PLA2G15: variants seen among roughly 807,000 people sequenced by gnomAD.
PLA2G15 encodes lysosomal phospholipase A and acyltransferase.
A neutral mutation model predicts 40.9 loss-of-function variants in PLA2G15; 20 were observed. The ratio of observed to expected loss-of-function variants is 0.49; its 90% CI spans 0.34 to 0.71. The LOEUF (loss-of-function observed/expected upper bound fraction) is 0.71. PLA2G15 is among the 30% of genes least tolerant of loss of function. The pLI, the probability that PLA2G15 is intolerant of heterozygous loss-of-function variation, is 0.01. For missense variants in PLA2G15, 471 were observed against 541.9 expected (o/e 0.87, Z 1.30); for synonymous variants, 223 against 228.2 (o/e 0.98, Z 0.21).
rs993398973 is a variant in PLA2G15, at chr16:68,259,736, G to C, written c.*79G>C. 3 of 1,431,742 alleles carry C rather than the reference G, an allele frequency of 2.1e-6. No homozygotes were observed. Among genetic ancestry groups the C allele is most frequent in the Non-Finnish European group, 2.8e-6 (3 of 1,053,594 alleles). 88.7% of individuals were successfully genotyped at this position (1,431,742 alleles called of 1,614,324 possible). ...GGGGCTGTCATGGCCCACGCGTTTTGCAAAGTTTGTGACTCACCATTCAAG... is the reference window on the plus strand; with the variant it reads ...GGGGCTGTCATGGCCCACGCGTTTTCCAAAGTTTGTGACTCACCATTCAAG... On this transcript the variant is annotated 3_prime_UTR_variant, in exon 6 of 6. Transcript: ENST00000219345. This position sits in a 1 kb window ranked among gnomAD's most constrained non-coding sequence, Gnocchi z 6.5.
chr16:68,251,348 G>A (rs1488847980), intron 2 of PLA2G15, among the ~76,000 whole-genome samples: 4 of 152,144 alleles, frequency 2.6e-5, no homozygotes, highest in African/African-American at 7.2e-5. Context: ...CACAGTTGGC[G>A]CCTGATAAAT....
At chr16:68,248,770 C>A in intron 1 of PLA2G15, 1 of 971,254 alleles carries the variant, frequency 1.0e-6, no homozygotes, top group Non-Finnish European at 1.2e-6. Flanking sequence ...CCCCTCCTCC[C>A]AGGCAGAGCT....
rs148656703 is a variant in PLA2G15, at chr16:68,246,357, G to A, written c.127+804G>A. On this transcript the variant is annotated intron_variant, in intron 1 of 5. Transcript: ENST00000219345. The stretch of plus-strand genomic sequence containing the variant: ...GGGCCTTGGGTGCCTCATTGAGGCC[G>A]TCACTCCCATCCAGAGCTGGTGTGT... Among the ~76,000 whole-genome samples the A allele has an allele frequency of 1.8e-3, 277 of 152,290 alleles. 3 individuals are homozygous for A. Among genetic ancestry groups the A allele is most frequent in the African/African-American group, 6.3e-3 (260 of 41,566 alleles).
intron 2 of PLA2G15, chr16:68,253,578 T>C: frequency 6.0e-6 from 2 of 331,182 alleles, no homozygotes; most frequent in South Asian, 4.4e-5. Context: ...TTTCACCCTG[T>C]TGGCCAGGCT....
chr16:68,249,566 CGGTCTGGTCT>C lies in PLA2G15; in HGVS notation c.284+134_284+143del, dbSNP rs909762293. 10 of 935,188 alleles carry C rather than the reference CGGTCTGGTCT, an allele frequency of 1.1e-5. No homozygotes were observed. In the South Asian group the frequency reaches 1.4e-4, roughly 13 times the overall value. 57.9% of individuals were successfully genotyped at this position (935,188 alleles called of 1,614,324 possible). On this transcript the variant is annotated intron_variant, in intron 2 of 5. Coordinates refer to ENST00000219345, the MANE Select transcript of PLA2G15 (RefSeq NM_012320.4). ...TGACCTCTCTCCTTCCCCAGGTCCTCGGTCTGGTCTGGTCTGGTCTGGTTGGCACCACCTC... is the reference window on the plus strand; with the variant it reads ...TGACCTCTCTCCTTCCCCAGGTCCTCGGTCTGGTCTGGTTGGCACCACCTC...
chr16:68,251,940 G>A (rs971407433), intron 2 of PLA2G15, among the ~76,000 whole-genome samples: 1 of 151,748 alleles, frequency 6.6e-6, no homozygotes, highest in African/African-American at 2.4e-5. Context: ...TGTTTGTGAT[G>A]CCCATTTTGA....
chr16:68,253,380 T>C (rs1410504165), intron 2 of PLA2G15: 1 of 432,154 alleles, frequency 2.3e-6, no homozygotes, highest in Non-Finnish European at 4.6e-6. Context: ...TTTTGTTTGT[T>C]TGTTTGTTTT....
chr16:68,250,027 C>T (rs979795581), intron 2 of PLA2G15, among the ~76,000 whole-genome samples: 3 of 151,948 alleles, frequency 2.0e-5, no homozygotes, highest in South Asian at 2.1e-4. Flanking sequence ...TCGGCATGGC[C>T]CCCACCCCTT....
At position 68,259,813 on chromosome 16, in the gene PLA2G15, A is replaced by C; in HGVS notation, c.*156A>C. 1.5e-6 allele frequency: 1 copy of C among 661,528 alleles called. No individual in the cohort carries two copies. 41.0% of individuals were successfully genotyped at this position (661,528 alleles called of 1,614,324 possible). ...CTGCCATGGGGAAGTGCTGTTTGTT[A>C]TCCTTTCTCTGTGGCAGTGAAGAAG... On this transcript the variant is annotated 3_prime_UTR_variant, in exon 6 of 6. Coordinates refer to ENST00000219345, the MANE Select transcript of PLA2G15 (RefSeq NM_012320.4). This position sits in a 1 kb window ranked among gnomAD's most constrained non-coding sequence, Gnocchi z 6.5.
rs554537024 is a variant in PLA2G15, at chr16:68,260,066, G to A, written c.*409G>A. 5.1e-6 allele frequency: 1 copy of A among 196,198 alleles called. No homozygotes were observed. Among genetic ancestry groups the A allele is most frequent in the East Asian group, 1.3e-4 (1 of 7,642 alleles). The allele number at this position is 196,198 out of a possible 1,614,324, so 12.2% of individuals were successfully genotyped here. A position where few individuals can be genotyped will look rare whatever the true frequency, so the allele number is the denominator to read the frequency against. On this transcript the variant is annotated 3_prime_UTR_variant, in exon 6 of 6. Coordinates refer to ENST00000219345, the MANE Select transcript of PLA2G15 (RefSeq NM_012320.4). Reference sequence around the variant, plus strand: ...AGGGATGTTACTGGGCTGTGGTCCTGTACCCAGAGGTCCCAGGGATCGGCT... The same window carrying A: ...AGGGATGTTACTGGGCTGTGGTCCTATACCCAGAGGTCCCAGGGATCGGCT...
chr16:68,254,851 T>A, intron 2 of PLA2G15, 68 bp from the exon 3 acceptor site: 2 of 933,398 alleles, frequency 2.1e-6, no homozygotes, highest in South Asian at 2.8e-5. Flanking sequence ...CAGGACATGA[T>A]GCACTGTTGG....
chr16:68,248,811 T>C (rs2042331456), intron 1 of PLA2G15: 2 of 585,078 alleles, frequency 3.4e-6, no homozygotes, highest in South Asian at 6.8e-5. Flanking sequence ...ATAGAAACCA[T>C]GTGTAGAGGT....
chr16:68,259,406 T>G lies in PLA2G15; in HGVS notation c.988T>G (p.Cys330Gly). 1 of 1,614,074 alleles carries G rather than the reference T, an allele frequency of 6.2e-7. No individual in the cohort carries two copies. Among genetic ancestry groups the G allele is most frequent in the Non-Finnish European group, 8.5e-7 (1 of 1,180,044 alleles). Residue 330 changes from cysteine to glycine, a missense_variant, in exon 6 of 6, where the codon TGC (cysteine) becomes GGC (glycine). Coordinates refer to ENST00000219345, the MANE Select transcript of PLA2G15 (RefSeq NM_012320.4). This position sits in a 1 kb window ranked among gnomAD's most constrained non-coding sequence, Gnocchi z 6.5. ...ATMPPGVQLH[C>G]LYGTGVPTPD... ...GATGCCACCTGGCGTGCAGCTGCAC[T>G]GCCTCTATGGTACTGGCGTCCCCAC...
intron 5 of PLA2G15, among the ~76,000 whole-genome samples, chr16:68,257,442 A>T (rs929496005): frequency 6.6e-6 from 1 of 152,162 alleles, no homozygotes; most frequent in Non-Finnish European, 1.5e-5. Context: ...TTGCCTGGCA[A>T]TTGGGAAAGC....
chr16:68,248,195 T>G (rs1406176331), intron 1 of PLA2G15: 1 of 152,258 alleles, frequency 6.6e-6, no homozygotes, highest in African/African-American at 2.4e-5. Flanking sequence ...TAAGCTTCTC[T>G]CAGCTGTGTT....
At position 68,260,320 on chromosome 16, in the gene PLA2G15, A is replaced by T. The variant is rs1436849542; in HGVS notation, c.*663A>T. 6.5e-6 allele frequency: 1 copy of T among 153,232 alleles called. No homozygotes were observed. The highest frequency in any genetic ancestry group is 1.5e-5 in the Non-Finnish European group (1 of 68,574). 9.5% of individuals were successfully genotyped at this position (153,232 alleles called of 1,614,324 possible). ...TCCTACCTCCCTTACCACCAGGAGC[A>T]TTCAAGCTCTGGATTGGGCAGCAGA... On this transcript the variant is annotated 3_prime_UTR_variant, in exon 6 of 6. Coordinates refer to ENST00000219345, the MANE Select transcript of PLA2G15 (RefSeq NM_012320.4).
At chr16:68,249,987 A>G (rs917206587) in intron 2 of PLA2G15, among the ~76,000 whole-genome samples, 1 of 151,540 alleles carries the variant, frequency 6.6e-6, no homozygotes, top group Non-Finnish European at 1.5e-5. Context: ...CCTACACAAA[A>G]TTTCTGTGTC....
chr16:68,258,842 C>A, intron 5 of PLA2G15: 1 of 363,868 alleles, frequency 2.7e-6, no homozygotes, highest in Non-Finnish European at 5.0e-6. Flanking sequence ...TACCTGTAGT[C>A]CCAGCTACTC....
intron 2 of PLA2G15, among the ~76,000 whole-genome samples, chr16:68,250,551 G>A (rs367545551): frequency 1.3e-5 from 2 of 152,142 alleles, no homozygotes; most frequent in South Asian, 2.1e-4. Context: ...GATTACAGGC[G>A]TGAGCCACCA....
Sources: gnomAD v4.1 joint callset for allele counts (sites outside exome capture counted in the v4.1 genomes callset) on GRCh38, gnomAD v4.1.1 for gene constraint, Gnocchi (gnomAD v3.1) non-coding constraint, MANE v1.5 for transcripts, NCBI Gene and HGNC (gene_info 2026-07-23, HGNC 2026-07-21) for gene names.